The following PRRC2B variants were observed in gnomAD, a reference collection of about 807,000 sequenced individuals.
PRRC2B encodes the protein protein PRRC2B.
In PRRC2B, 68 loss-of-function variants were observed where a neutral mutation model predicts 242.3. That is an observed-to-expected ratio of 0.28 (90% CI 0.23 to 0.34). The LOEUF (loss-of-function observed/expected upper bound fraction) is 0.34. PRRC2B is among the 10% of genes least tolerant of loss of function. The pLI, the probability that PRRC2B is intolerant of heterozygous loss-of-function variation, is 1.00. For synonymous variants in PRRC2B, 1,228 were observed against 1,173.6 expected, an observed-to-expected ratio of 1.05 and a Z score of -0.95; for missense variants, 2,835 against 2,954.8, an observed-to-expected ratio of 0.96 and a Z score of 0.94.
chr9:131,430,528 T>C (rs1211962044), intron 2 of PRRC2B, among the ~76,000 whole-genome samples: 1 of 147,174 alleles, frequency 6.8e-6, no homozygotes, highest in Non-Finnish European at 1.5e-5. Flanking sequence ...GATAGATAGA[T>C]ATCTATCTAT....
At chr9:131,484,896 A>G (rs1943975280) in intron 24 of PRRC2B, 52 bp from the exon 25 acceptor site, 2 of 1,581,922 alleles carry the variant, frequency 1.3e-6, no homozygotes, top group Middle Eastern at 1.7e-4. Flanking sequence ...GGCTCTGTCC[A>G]CTGCCAGCGT....
chr9:131,434,020 CT>C (rs1435505682), intron 3 of PRRC2B, among the ~76,000 whole-genome samples: 1 of 152,158 alleles, frequency 6.6e-6, no homozygotes, highest in Non-Finnish European at 1.5e-5. Flanking sequence ...CACTTATTAG[CT>C]TGATGGAACC....
rs894134144 is a variant in PRRC2B at position 131,435,984 on chromosome 9, T to C, written c.294-636T>C. 3.3e-5 allele frequency among the ~76,000 whole-genome samples: 5 copies of C among 152,326 alleles called. No homozygotes were observed. In the South Asian group the frequency reaches 1.0e-3, roughly 32 times the overall value. On this transcript the variant is annotated intron_variant, in intron 3 of 31. Coordinates refer to ENST00000683519, the MANE Select transcript of PRRC2B (RefSeq NM_013318.4). ...TGTGTTACCTAGTTTTATTTATAAG[T>C]TTATTTTTACTATGAGCATGTATTT...
At chr9:131,395,022 T>G (rs1407707344) in intron 1 of PRRC2B, among the ~76,000 whole-genome samples, 11 of 151,976 alleles carry the variant, frequency 7.2e-5, no homozygotes, top group Admixed American at 2.0e-4. Context: ...TTCAGCCCTG[T>G]TGAAACTGTG....
At chr9:131,409,626 G>C (rs1341710607) in intron 1 of PRRC2B, among the ~76,000 whole-genome samples, 1 of 152,244 alleles carries the variant, frequency 6.6e-6, no homozygotes, top group East Asian at 1.9e-4. Context: ...CAGCTGCTGT[G>C]TTGGTGGCTC....
At chr9:131,491,726 C>T (rs1365897127) in intron 29 of PRRC2B, 146 bp downstream of exon 29, 1 of 781,082 alleles carries the variant, frequency 1.3e-6, no homozygotes, top group Non-Finnish European at 2.0e-6. Context: ...TGTGTGGGGC[C>T]ATCACAGAGG....
At chr9:131,438,330 C>T (rs1838441143) in intron 4 of PRRC2B, among the ~76,000 whole-genome samples, 1 of 152,116 alleles carries the variant, frequency 6.6e-6, no homozygotes. Flanking sequence ...CTCAGTCACT[C>T]TTCTCTGAGC....
intron 1 of PRRC2B, among the ~76,000 whole-genome samples, chr9:131,401,685 C>T (rs1837230596): frequency 6.7e-6 from 1 of 148,468 alleles, no homozygotes; most frequent in South Asian, 2.1e-4. Context: ...TTTATTGAGA[C>T]AGAGTTTTGA....
Position 131,481,251 on chromosome 9 carries a change from C to T in PRRC2B, c.4901-475C>T, listed in dbSNP as rs1323995716. 4.7e-5 allele frequency among the ~76,000 whole-genome samples: 6 copies of T among 127,176 alleles called. No homozygotes were observed. In the East Asian group the frequency reaches 1.4e-3, roughly 29 times the overall value. 83.4% of individuals were successfully genotyped at this position (127,176 alleles called of 152,430 possible). A position where few individuals can be genotyped will look rare whatever the true frequency, so the allele number is the denominator to read the frequency against. On this transcript the variant is annotated intron_variant, in intron 19 of 31. Transcript: ENST00000683519. ...CGTGAACCCGGGAGGCAGAGCTTGG[C>T]AGTGAGTGGAGATCGCGCCACTGCA...
chr9:131,474,928 G>A lies in PRRC2B; in HGVS notation c.2799G>A (p.Thr933=), dbSNP rs754935389. 4 of 1,595,158 alleles carry A rather than the reference G, an allele frequency of 2.5e-6. No individual in the cohort carries two copies. The highest frequency in any genetic ancestry group is 3.4e-6 in the Non-Finnish European group (4 of 1,171,386). Reference sequence around the variant, plus strand: ...CCAGCAGCCAGCACCCGGAGCAGACGGGCAGGACCCGGAGGTCGGGACCCA... The same window carrying A: ...CCAGCAGCCAGCACCCGGAGCAGACAGGCAGGACCCGGAGGTCGGGACCCA... ...RSSSSQHPEQ[T]GRTRRSGPIK... Residue 933 remains threonine, a synonymous_variant, in exon 16 of 32, where the codon ACG becomes ACA. Transcript: ENST00000683519.
Position 131,487,402 on chromosome 9 carries a change from GT to G in PRRC2B, c.5984+109del. On this transcript the variant is annotated intron_variant, in intron 27 of 31. Transcript: ENST00000683519. The surrounding 1 kb of genome is among the most constrained non-coding windows in gnomAD (Gnocchi z 5.3). ...TTGGTGCTTGTCTGCTTTGGGGCCAGTGGGGCGGGGAGGGGTGGGAGTTTGC... is the reference window on the plus strand; with the variant it reads ...TTGGTGCTTGTCTGCTTTGGGGCCAGGGGGCGGGGAGGGGTGGGAGTTTGC... The G allele has an allele frequency of 1.2e-5, 10 of 861,104 alleles. No individual in the cohort carries two copies. Among genetic ancestry groups the G allele is most frequent in the East Asian group, 3.1e-5 (1 of 31,920 alleles). The allele number at this position is 861,104 out of a possible 1,614,324, so 53.3% of individuals were successfully genotyped here.
chr9:131,465,414 T>G (rs983881610), intron 12 of PRRC2B, among the ~76,000 whole-genome samples: 8 of 152,164 alleles, frequency 5.3e-5, no homozygotes. Context: ...CATCTGAACT[T>G]GTTAAACTAG....
rs1398997491 is a variant in PRRC2B at position 131,470,840 on chromosome 9, A to G, written c.1964A>G (p.His655Arg). 3 of 1,294,156 alleles carry G rather than the reference A, an allele frequency of 2.3e-6. No individual in the cohort carries two copies. The African/African-American group carries it at 5.0e-5, about 21-fold the overall frequency. The allele number at this position is 1,294,156 out of a possible 1,614,324, so 80.2% of individuals were successfully genotyped here. A position where few individuals can be genotyped will look rare whatever the true frequency, so the allele number is the denominator to read the frequency against. Residue 655 changes from histidine (H) to arginine (R), a missense_variant, in exon 14 of 32, where the codon CAC becomes CGC. This residue lies in a region of PRRC2B where 1,536 missense variants were observed against 1,483.1 expected (regional missense o/e 1.04). Transcript: ENST00000683519. ...CAGCCGGTGTACCCCCCGCCGTCCC[A>G]CCCCCAGCGCACCTTTTACCCACAC... ...HWQPVYPPPSHPQRTFYPHHP... is the reference protein window; with the variant it reads ...HWQPVYPPPSRPQRTFYPHHP...
At chr9:131,430,022 G>C (rs980326956) in intron 1 of PRRC2B, 72 bp from the exon 2 acceptor site, 2 of 631,284 alleles carry the variant, frequency 3.2e-6, no homozygotes, top group African/African-American at 3.7e-5. Context: ...TGGATCAGAG[G>C]TTCTGCTGTA....
intron 1 of PRRC2B, among the ~76,000 whole-genome samples, chr9:131,409,136 C>T (rs1837441651): frequency 1.3e-5 from 2 of 151,916 alleles, no homozygotes; most frequent in South Asian, 4.1e-4. Context: ...GATTCTCTTG[C>T]CTCAGCCTCC....
intron 5 of PRRC2B, among the ~76,000 whole-genome samples, chr9:131,441,513 A>G (rs1424292892): frequency 6.6e-6 from 1 of 152,236 alleles, no homozygotes; most frequent in Non-Finnish European, 1.5e-5. Context: ...AAACATAGCA[A>G]GACCCTTTCT....
In PRRC2B at chr9:131,474,570, C is replaced by G. The variant is rs200455913; in HGVS notation, c.2441C>G (p.Ala814Gly). 2 of 1,613,982 alleles carry G rather than the reference C, an allele frequency of 1.2e-6. No individual in the cohort carries two copies. Among genetic ancestry groups the G allele is most frequent in the Middle Eastern group, 1.6e-4 (1 of 6,062 alleles). ...YLSAFDKKAQADFDSCISSQR... is the reference protein window; with the variant it reads ...YLSAFDKKAQGDFDSCISSQR... ...AGTGCTTTTGACAAGAAGGCCCAAG[C>G]AGACTTTGACAGCTGTATCTCTTCT... Residue 814 changes from alanine to glycine, a missense_variant, in exon 16 of 32, where the codon GCA becomes GGA. Physicochemically the swap from Ala to Gly is moderately conservative, Grantham distance 60. This residue lies in a region of PRRC2B where 1,536 missense variants were observed against 1,483.1 expected (regional missense o/e 1.04). Coordinates refer to ENST00000683519, the MANE Select transcript of PRRC2B (RefSeq NM_013318.4).
At chr9:131,462,933 C>T (rs893383469) in intron 11 of PRRC2B, among the ~76,000 whole-genome samples, 7 of 147,174 alleles carry the variant, frequency 4.8e-5, no homozygotes, top group Non-Finnish European at 1.0e-4. Context: ...TAGGAAAGCA[C>T]ATCAAAGGTC....
At chr9:131,374,422 AAGTC>A (rs1175528160) in intron 1 of PRRC2B, among the ~76,000 whole-genome samples, 1 of 152,256 alleles carries the variant, frequency 6.6e-6, no homozygotes, top group Non-Finnish European at 1.5e-5. Context: ...AAAAAGAAAA[AAGTC>A]AGAATGATAT....
Sources: gnomAD v4.1 joint callset for allele counts (sites outside exome capture counted in the v4.1 genomes callset) on GRCh38, gnomAD v4.1.1 for gene constraint, gnomAD v4.1.1 regional missense constraint, Gnocchi (gnomAD v3.1) non-coding constraint, MANE v1.5 for transcripts, NCBI Gene and HGNC (gene_info 2026-07-23, HGNC 2026-07-21) for gene names.